Variants in LARP4B observed in about 807,000 individuals in gnomAD.
LARP4B encodes the protein la-related protein 4B.
LARP4B carries 12 observed loss-of-function variants against 89.8 expected under a neutral mutation model. The ratio of observed to expected loss-of-function variants is 0.13; its 90% CI spans 0.09 to 0.22. The LOEUF is 0.22. Among genes scored for constraint, LARP4B ranks in the 10% least tolerant of loss-of-function variants. The pLI is 1.00. For missense variants in LARP4B, 757 were observed against 947.7 expected (o/e 0.80, Z 2.64); for synonymous variants, 367 against 363.3 (o/e 1.01, Z -0.12).
the LARP4B span, among the ~76,000 whole-genome samples, chr10:978,326 T>C: frequency 6.6e-4 from 101 of 152,336 alleles, 1 homozygote; most frequent in African/African-American, 2.4e-3. Context: ...TAAGTCAATT[T>C]TCGCATTCTA....
rs548403158 is a variant in LARP4B at position 893,342 on chromosome 10, C to A, written c.-39-7582G>T. Among the ~76,000 whole-genome samples the A allele has an allele frequency of 1.8e-4, 28 of 152,236 alleles. No individual in the cohort carries two copies. The East Asian group carries it at 4.6e-3, about 25-fold the overall frequency. The stretch of plus-strand genomic sequence containing the variant: ...CATGCCTACACATATTCACACTGAA[C>A]AGGATAAAGTTGATAAGAATTTCCT... On this transcript the variant is annotated intron_variant, in intron 1 of 17. Coordinates refer to ENST00000316157, the MANE Select transcript of LARP4B (RefSeq NM_015155.3).
chr10:825,782 T>C lies in LARP4B; in HGVS notation c.1214A>G (p.Gln405Arg), dbSNP rs1832588044. 6.2e-7 allele frequency: 1 copy of C among 1,613,632 alleles called. No homozygotes were observed. Among genetic ancestry groups the C allele is most frequent in the South Asian group, 1.1e-5 (1 of 90,940 alleles). ...AACTTGCCTGCTTCGAGGAGGATAC[T>C]GTCTGAGAGAAGTCAGAGGAGACGC... Reference protein sequence around the residue: ...PAASPLTSLRQYPPRSRNPSK... With the variant: ...PAASPLTSLRRYPPRSRNPSK... The change falls in exon 12 of 18, where the codon CAG becomes CGG. Residue 405 changes from glutamine to arginine, a missense_variant. By Grantham distance (43) the Gln-to-Arg change is conservative (BLOSUM62 1). Coordinates refer to ENST00000316157, the MANE Select transcript of LARP4B (RefSeq NM_015155.3).
At chr10:984,310 TG>T in the LARP4B span, among the ~76,000 whole-genome samples, 14 of 152,222 alleles carry the variant, frequency 9.2e-5, no homozygotes, top group African/African-American at 2.7e-4. Context: ...TAGAATCATT[TG>T]GAAATTGATC....
intron 5 of LARP4B, among the ~76,000 whole-genome samples, chr10:858,361 T>C (rs931073865): frequency 1.3e-5 from 2 of 152,184 alleles, no homozygotes; most frequent in Admixed American, 6.5e-5. Flanking sequence ...AAAAACAAAG[T>C]TGGATCCATA....
At position 811,762 on chromosome 10, in the gene LARP4B, T is replaced by A. The variant is rs1321708519; in HGVS notation, c.*1164A>T. ...CAGGAAATATTCTTATTTTAATGTT[T>A]GCTGCTTAGAATAAAGAAAAATTTG... On this transcript the variant is annotated 3_prime_UTR_variant, in exon 18 of 18. Transcript: ENST00000316157. 1 of 152,684 alleles carries A rather than the reference T, an allele frequency of 6.5e-6. No individual in the cohort carries two copies. Among genetic ancestry groups the A allele is most frequent in the Non-Finnish European group, 1.5e-5 (1 of 68,048 alleles). The allele number at this position is 152,684 out of a possible 1,614,324, so 9.5% of individuals were successfully genotyped here. A position where few individuals can be genotyped will look rare whatever the true frequency, so the allele number is the denominator to read the frequency against.
At chr10:921,273 C>CA (rs533813082) in intron 1 of LARP4B, among the ~76,000 whole-genome samples, 4,119 of 138,498 alleles carry the variant, frequency 0.03, 91 homozygotes, top group Admixed American at 0.074. Context: ...AACTCCATCT[C>CA]AAAAAAAAAA....
chr10:816,427 G>A (rs1385524449), intron 15 of LARP4B, among the ~76,000 whole-genome samples: 1 of 152,182 alleles, frequency 6.6e-6, no homozygotes, highest in Non-Finnish European at 1.5e-5. Context: ...GACTCAAGAA[G>A]CTCCCAAGAA....
At chr10:869,322 A>G (rs1348584901) in intron 3 of LARP4B, among the ~76,000 whole-genome samples, 2 of 152,208 alleles carry the variant, frequency 1.3e-5, no homozygotes, top group Admixed American at 6.5e-5. Context: ...TGCCCACGAG[A>G]TAAGATGCCC....
chr10:813,147 A>G lies in LARP4B; in HGVS notation c.1996T>C (p.Leu666=), dbSNP rs138538106. The G allele has an allele frequency of 4.6e-5, 75 of 1,613,888 alleles. No homozygotes were observed. The highest frequency in any genetic ancestry group is 2.8e-4 in the Admixed American group (17 of 59,978). ...GGCTTTTGTTCTTTTTGGGGTTGCAATGGGGAAGAAGGAGGCTCTTTACTC... is the reference window on the plus strand; with the variant it reads ...GGCTTTTGTTCTTTTTGGGGTTGCAGTGGGGAAGAAGGAGGCTCTTTACTC... ...RTSKEPPSSP[L]QPQKEQKPNT... is the part of the protein sequence containing the mutation. The change falls in exon 18 of 18, where the codon TTG becomes CTG. Residue 666 remains leucine, a synonymous_variant. Transcript: ENST00000316157.
intron 1 of LARP4B, among the ~76,000 whole-genome samples, chr10:927,224 T>C (rs7087084): frequency 0.027 from 4,089 of 151,948 alleles, 185 homozygotes; most frequent in African/African-American, 0.094. Flanking sequence ...CCAGAAAAAC[T>C]ATGAGAAGAC....
the LARP4B span, among the ~76,000 whole-genome samples, chr10:949,209 C>A: frequency 1.3e-3 from 202 of 150,814 alleles, no homozygotes; most frequent in African/African-American, 4.7e-3. Flanking sequence ...ATCTCCAACC[C>A]GTTTTCCAGG....
chr10:904,991 T>C (rs1836449670), intron 1 of LARP4B, among the ~76,000 whole-genome samples: 1 of 152,254 alleles, frequency 6.6e-6, no homozygotes, highest in South Asian at 2.1e-4. Flanking sequence ...ATTTAAAACA[T>C]TGTATAAAAG....
intron 5 of LARP4B, among the ~76,000 whole-genome samples, chr10:860,285 T>C (rs1834532598): frequency 6.6e-6 from 1 of 152,202 alleles, no homozygotes; most frequent in Non-Finnish European, 1.5e-5. Context: ...AAGATTCTAC[T>C]GTCTCCCTTT....
intron 8 of LARP4B, among the ~76,000 whole-genome samples, chr10:835,889 C>A (rs1003491392): frequency 3.3e-5 from 5 of 150,826 alleles, no homozygotes; most frequent in African/African-American, 1.2e-4. Flanking sequence ...GCCGAGGTTG[C>A]GCCACTGCAC....
chr10:892,401 C>T (rs913937140), intron 1 of LARP4B, among the ~76,000 whole-genome samples: 1 of 152,186 alleles, frequency 6.6e-6, no homozygotes, highest in Non-Finnish European at 1.5e-5. Context: ...TTTTCATGTA[C>T]ACCAGAAATG....
At chr10:960,082 G>A in the LARP4B span, among the ~76,000 whole-genome samples, 1 of 152,164 alleles carries the variant, frequency 6.6e-6, no homozygotes, top group South Asian at 2.1e-4. Flanking sequence ...GCCATGAAAA[G>A]GCATGGAGGA....
Position 845,063 on chromosome 10 carries a change from A to C in LARP4B, c.431-8T>G. ...GTTGAGACTCATTTCCTCCTACATA[A>C]AAGTAATAATCAACTTAGGAAAACC... On this transcript the variant is annotated splice_polypyrimidine_tract_variant and splice_region_variant and intron_variant, in intron 5 of 17. Transcript: ENST00000316157. 1 of 1,601,182 alleles carries C rather than the reference A, an allele frequency of 6.2e-7. No homozygotes were observed. The highest frequency in any genetic ancestry group is 1.7e-5 in the Admixed American group (1 of 57,682).
At chr10:829,928 C>A (rs1564389413) in intron 9 of LARP4B, among the ~76,000 whole-genome samples, 194 bp from the exon 10 acceptor site, 1 of 152,064 alleles carries the variant, frequency 6.6e-6, no homozygotes, top group African/African-American at 2.4e-5. Flanking sequence ...GAACGTGTAC[C>A]CCAAATTCTC....
chr10:959,812 CCTCCTCGT>C, the LARP4B span, among the ~76,000 whole-genome samples: 1 of 134,786 alleles, frequency 7.4e-6, no homozygotes, highest in Non-Finnish European at 1.6e-5. Context: ...GTCATTCCCA[CCTCCTCGT>C]CATTCCCACC....
Sources: allele counts gnomAD v4.1 joint callset (sites outside exome capture counted in the v4.1 genomes callset), GRCh38; gene constraint gnomAD v4.1.1; transcripts MANE v1.5; gene names NCBI Gene and HGNC (gene_info 2026-07-23, HGNC 2026-07-21).